The following SGPP2 variants were observed in gnomAD, a reference collection of about 807,000 sequenced individuals.
SGPP2 encodes sphingosine-1-phosphate phosphatase 2, also known as sphingosine 1-phosphate phosphohydrolase 2.
SGPP2 carries 30 observed loss-of-function variants against 33.9 expected under a neutral mutation model. The ratio of observed to expected loss-of-function variants is 0.89; its 90% confidence interval spans 0.66 to 1.20. The LOEUF (loss-of-function observed/expected upper bound fraction) is 1.20. SGPP2 is among the 50% of genes most tolerant of loss of function. SGPP2 has a pLI of 0.00. For synonymous variants in SGPP2, 233 were observed against 225.0 expected (o/e 1.04, Z -0.32); for missense variants, 458 against 532.1 (o/e 0.86, Z 1.37).
Position 222,525,039 on chromosome 2 carries a change from G to T in SGPP2, c.648+6G>T, listed in dbSNP as rs1698738216. The T allele has an allele frequency of 6.2e-7, 1 of 1,612,652 alleles. No individual in the cohort carries two copies. Among genetic ancestry groups the T allele is most frequent in the Non-Finnish European group, 8.5e-7 (1 of 1,178,860 alleles). On this transcript the variant is annotated splice_donor_region_variant and intron_variant, in intron 4 of 4. Transcript: ENST00000321276. ...CTGGGATGCATACGGTCCTGGTAAG[G>T]CTTTGTGGTCAGGTCTTGTGGTGAT...
At chr2:222,491,457 G>C (rs1343948687) in intron 2 of SGPP2, among the ~76,000 whole-genome samples, 1 of 152,190 alleles carries the variant, frequency 6.6e-6, no homozygotes, top group African/African-American at 2.4e-5. Flanking sequence ...AGGGGAAGCA[G>C]GCACATCTTA....
chr2:222,490,454 G>A (rs1698179509), intron 2 of SGPP2, among the ~76,000 whole-genome samples: 1 of 151,926 alleles, frequency 6.6e-6, no homozygotes, highest in Non-Finnish European at 1.5e-5. Context: ...TTTGAGACAG[G>A]GTCTTGCTCT....
chr2:222,532,445 G>A (rs937772345), intron 4 of SGPP2, among the ~76,000 whole-genome samples: 5 of 152,056 alleles, frequency 3.3e-5, no homozygotes, highest in East Asian at 1.9e-4. Flanking sequence ...CTTTGCTGAC[G>A]GGCTCCAGCT....
At chr2:222,523,389 G>T (rs1182212084) in intron 3 of SGPP2, among the ~76,000 whole-genome samples, 1 of 152,180 alleles carries the variant, frequency 6.6e-6, no homozygotes, top group Non-Finnish European at 1.5e-5. Flanking sequence ...GACGTAGTGG[G>T]CCAAGCACCA....
In SGPP2 at chr2:222,521,104, AC is replaced by A. The variant is rs757128483; in HGVS notation, c.379-662del. Among the ~76,000 whole-genome samples the A allele has an allele frequency of 6.6e-5, 10 of 152,310 alleles. No homozygotes were observed. The East Asian group carries it at 1.9e-3, about 29-fold the overall frequency. The stretch of plus-strand genomic sequence containing the variant: ...TGAAAATACCCATGCCATTTATTTG[AC>A]TGATGCTCCTGATTACTAAAGAAGT... On this transcript the variant is annotated intron_variant, in intron 2 of 4. Transcript: ENST00000321276.
At chr2:222,526,213 C>G (rs1042038804) in intron 4 of SGPP2, among the ~76,000 whole-genome samples, 4 of 151,900 alleles carry the variant, frequency 2.6e-5, no homozygotes, top group Non-Finnish European at 2.9e-5. Flanking sequence ...CCATGATGAG[C>G]TAGATAGTCA....
intron 1 of SGPP2, among the ~76,000 whole-genome samples, chr2:222,455,913 T>C (rs1048217620): frequency 6.6e-6 from 1 of 151,906 alleles, no homozygotes; most frequent in Admixed American, 6.6e-5. Flanking sequence ...ACAAAAGTTT[T>C]TAAAAATTAA....
intron 4 of SGPP2, among the ~76,000 whole-genome samples, chr2:222,552,576 T>C (rs1265931077): frequency 6.6e-6 from 1 of 152,054 alleles, no homozygotes; most frequent in Non-Finnish European, 1.5e-5. Context: ...AGAGAATTAC[T>C]CAAGCCGGGT....
At chr2:222,505,148 G>C (rs1222290208) in intron 2 of SGPP2, among the ~76,000 whole-genome samples, 1 of 152,190 alleles carries the variant, frequency 6.6e-6, no homozygotes, top group Admixed American at 6.5e-5. Flanking sequence ...CATATTTACT[G>C]CTTGCTTACA....
intron 4 of SGPP2, among the ~76,000 whole-genome samples, chr2:222,526,014 G>T (rs981886145): frequency 6.6e-6 from 1 of 152,170 alleles, no homozygotes; most frequent in Non-Finnish European, 1.5e-5. Context: ...CTTCCCAAGG[G>T]TCTATCAGAG....
intron 4 of SGPP2, among the ~76,000 whole-genome samples, chr2:222,530,737 G>A (rs1271751869): frequency 2.6e-5 from 4 of 152,314 alleles, no homozygotes; most frequent in Non-Finnish European, 5.9e-5. Context: ...CATTGGAGTA[G>A]CACTTTTAAT....
At chr2:222,446,191 C>T (rs375770654) in intron 1 of SGPP2, among the ~76,000 whole-genome samples, 16 of 152,008 alleles carry the variant, frequency 1.1e-4, no homozygotes, top group South Asian at 4.2e-4. Flanking sequence ...GAGCTGAGTA[C>T]GGTATAGGTA....
chr2:222,480,660 A>G (rs1253609890), intron 2 of SGPP2, among the ~76,000 whole-genome samples: 1 of 152,188 alleles, frequency 6.6e-6, no homozygotes, highest in Non-Finnish European at 1.5e-5. Context: ...CTAGTGATAC[A>G]TGTTGCTCAA....
At chr2:222,485,588 G>A (rs999812052) in intron 2 of SGPP2, among the ~76,000 whole-genome samples, 2 of 152,250 alleles carry the variant, frequency 1.3e-5, no homozygotes, top group African/African-American at 4.8e-5. Context: ...AAAAGAAGGA[G>A]TGAGGGAAAG....
chr2:222,553,691 G>T (rs141211385), intron 4 of SGPP2, among the ~76,000 whole-genome samples: 1 of 152,220 alleles, frequency 6.6e-6, no homozygotes, highest in Non-Finnish European at 1.5e-5. Context: ...CCTTTTGGAC[G>T]TCCCTCTGCC....
chr2:222,472,599 G>A (rs917282480), intron 1 of SGPP2, among the ~76,000 whole-genome samples: 5 of 152,204 alleles, frequency 3.3e-5, no homozygotes, highest in East Asian at 3.8e-4. Context: ...TAAGCTGGGG[G>A]ACAGTGGCTG....
chr2:222,459,527 A>G (rs1697626677), intron 1 of SGPP2, among the ~76,000 whole-genome samples: 1 of 152,156 alleles, frequency 6.6e-6, no homozygotes, highest in African/African-American at 2.4e-5. Flanking sequence ...CCTCCATTTC[A>G]GACAATGAAT....
chr2:222,541,151 G>A (rs1204336827), intron 4 of SGPP2, among the ~76,000 whole-genome samples: 1 of 152,162 alleles, frequency 6.6e-6, no homozygotes, highest in Non-Finnish European at 1.5e-5. Flanking sequence ...AAATGTAATA[G>A]AGTGTCTTGG....
chr2:222,562,235 T>A lies in SGPP2; in HGVS notation c.*3337T>A, dbSNP rs1044820549. The stretch of plus-strand genomic sequence containing the variant: ...TGTCCACATTCCACCCCCAACCCAC[T>A]GCCACTGTGGGCCAAGCCATCCATC... On this transcript the variant is annotated 3_prime_UTR_variant, in exon 5 of 5. Coordinates refer to ENST00000321276, the MANE Select transcript of SGPP2 (RefSeq NM_152386.4). 2.6e-5 allele frequency among the ~76,000 whole-genome samples: 4 copies of A among 152,168 alleles called. No homozygotes were observed. Among genetic ancestry groups the A allele is most frequent in the African/African-American group, 9.7e-5 (4 of 41,440 alleles).
Sources: allele counts gnomAD v4.1 joint callset (sites outside exome capture counted in the v4.1 genomes callset), GRCh38; gene constraint gnomAD v4.1.1; transcripts MANE v1.5; gene names NCBI Gene and HGNC (gene_info 2026-07-23, HGNC 2026-07-21).